Variants in ATP8B4 observed in about 807,000 individuals in gnomAD.
ATP8B4 encodes probable phospholipid-transporting ATPase IM.
ATP8B4 carries 133 observed loss-of-function variants against 145.6 expected under a neutral mutation model. That is an observed-to-expected ratio of 0.91 (90% confidence interval 0.79 to 1.05). ATP8B4 has a LOEUF of 1.05. ATP8B4 is among the 50% of genes least tolerant of loss of function. The pLI is 0.00. For missense variants in ATP8B4, 1,458 were observed against 1,425.2 expected (o/e 1.02, Z -0.37); for synonymous variants, 507 against 492.9 (o/e 1.03, Z -0.38).
rs548026630 is a variant in ATP8B4, at chr15:49,975,226, C to T, written c.1035-2436G>A. Among the ~76,000 whole-genome samples, 13 of 152,106 alleles carry T rather than the reference C, an allele frequency of 8.5e-5. No individual in the cohort carries two copies. In the South Asian group the frequency reaches 2.5e-3, roughly 29 times the overall value. On this transcript the variant is annotated intron_variant, in intron 12 of 27. Transcript: ENST00000284509. The stretch of plus-strand genomic sequence containing the variant: ...GAAGGTCAAATCTTTTTAGGAATTC[C>T]ATTTTTTAAAGTACCTCAATTAGTA...
At chr15:50,131,205 C>T (rs929206680) in intron 1 of ATP8B4, among the ~76,000 whole-genome samples, 1 of 152,092 alleles carries the variant, frequency 6.6e-6, no homozygotes, top group Non-Finnish European at 1.5e-5. Flanking sequence ...ATGAAGATTA[C>T]AATTAAAAAT....
Position 50,086,343 on chromosome 15 carries a change from T to A in ATP8B4, c.29-12158A>T, listed in dbSNP as rs1327786191. Among the ~76,000 whole-genome samples the A allele has an allele frequency of 3.2e-4, 18 of 55,862 alleles. 1 individual carries two copies. In the East Asian group the frequency reaches 0.012, roughly 36 times the overall value. The allele number at this position is 55,862 out of a possible 152,430, so 36.6% of individuals were successfully genotyped here. ...GAGATCTATATTTATTATATATAAT[T>A]AATATAGAGATCTATATTTATTATA... On this transcript the variant is annotated intron_variant, in intron 2 of 27. Coordinates refer to ENST00000284509, the MANE Select transcript of ATP8B4 (RefSeq NM_024837.4).
chr15:49,894,013 T>C (rs1426201532), intron 23 of ATP8B4, among the ~76,000 whole-genome samples: 1 of 152,224 alleles, frequency 6.6e-6, no homozygotes, highest in Non-Finnish European at 1.5e-5. Flanking sequence ...ACAGCATTGA[T>C]GCCACTACAT....
In ATP8B4 at chr15:50,081,114, A is replaced by AC. The variant is rs2054528096; in HGVS notation, c.29-6930_29-6929insG. ...GGGGACAGAGCGAGACTACGTCTCA[A>AC]GAAAAAAAAAAAAAAAGAGTCCTCA... On this transcript the variant is annotated intron_variant, in intron 2 of 27. Coordinates refer to ENST00000284509, the MANE Select transcript of ATP8B4 (RefSeq NM_024837.4). 1.3e-4 allele frequency among the ~76,000 whole-genome samples: 13 copies of AC among 102,324 alleles called. No homozygotes were observed. In the South Asian group the frequency reaches 4.4e-3, roughly 35 times the overall value. The allele number at this position is 102,324 out of a possible 152,430, so 67.1% of individuals were successfully genotyped here.
chr15:49,999,314 C>T (rs57881230), intron 8 of ATP8B4, among the ~76,000 whole-genome samples: 4,522 of 142,732 alleles, frequency 0.032, 239 homozygotes, highest in African/African-American at 0.11. Context: ...TATTCTCACT[C>T]ATAGGTGGGA....
intron 9 of ATP8B4, among the ~76,000 whole-genome samples, chr15:49,990,873 T>G (rs1156846816): frequency 2.6e-5 from 4 of 152,136 alleles, no homozygotes; most frequent in African/African-American, 9.7e-5. Flanking sequence ...AGCCAAGAGT[T>G]TTTTTAGCGT....
chr15:50,168,637 T>A (rs1392112656), intron 1 of ATP8B4, among the ~76,000 whole-genome samples: 1 of 152,208 alleles, frequency 6.6e-6, no homozygotes, highest in Admixed American at 6.5e-5. Flanking sequence ...AGGAATTCTC[T>A]AGTTAAACTT....
chr15:49,865,184 G>C (rs973649269), intron 26 of ATP8B4, among the ~76,000 whole-genome samples: 10 of 152,170 alleles, frequency 6.6e-5, no homozygotes, highest in African/African-American at 2.4e-4. Context: ...GACTTTATCA[G>C]TCATGCCTAT....
intron 14 of ATP8B4, among the ~76,000 whole-genome samples, chr15:49,938,027 G>A (rs182409582): frequency 6.6e-6 from 1 of 152,246 alleles, no homozygotes; most frequent in African/African-American, 2.4e-5. Flanking sequence ...TGGACCCGGG[G>A]GAAGGAAGAG....
At chr15:50,000,037 T>C (rs915049645) in intron 8 of ATP8B4, among the ~76,000 whole-genome samples, 1 of 152,164 alleles carries the variant, frequency 6.6e-6, no homozygotes, top group Admixed American at 6.6e-5. Context: ...AGTTCACTCA[T>C]TTTCATTGCT....
rs1446976526 is a variant in ATP8B4, at chr15:49,920,404, C to T, written c.1765G>A (p.Ala589Thr). The change falls in exon 18 of 28, where the codon GCA becomes ACA. Residue 589 changes from alanine (A) to threonine (T), a missense_variant. Ala to Thr is a moderately conservative substitution (Grantham distance 58). Coordinates refer to ENST00000284509, the MANE Select transcript of ATP8B4 (RefSeq NM_024837.4). ...GCCAAGGTCCGAAGGCCTTCCCCTG[C>T]AAATTCCTGCCAGAGATGACATAGA... ...SLTSDHLSEF[A>T]GEGLRTLAIA... The T allele has an allele frequency of 2.5e-6, 4 of 1,611,958 alleles. No homozygotes were observed. Among genetic ancestry groups the T allele is most frequent in the East Asian group, 2.2e-5 (1 of 44,880 alleles).
intron 16 of ATP8B4, among the ~76,000 whole-genome samples, chr15:49,927,928 C>G (rs2040875235): frequency 6.6e-6 from 1 of 152,138 alleles, no homozygotes; most frequent in Non-Finnish European, 1.5e-5. Context: ...TGAGAGCCAT[C>G]TTTCAAGGCT....
At chr15:49,975,209 A>C (rs1200151929) in intron 12 of ATP8B4, among the ~76,000 whole-genome samples, 1 of 152,154 alleles carries the variant, frequency 6.6e-6, no homozygotes, top group East Asian at 1.9e-4. Context: ...AAGAAGGTCA[A>C]ATCTTTTTAG....
chr15:49,986,436 C>T (rs1051004424), intron 10 of ATP8B4, among the ~76,000 whole-genome samples: 1 of 152,148 alleles, frequency 6.6e-6, no homozygotes, highest in Non-Finnish European at 1.5e-5. Flanking sequence ...TGTAAAAGCG[C>T]ATATACTGGC....
At chr15:50,010,458 G>A (rs927110381) in intron 7 of ATP8B4, among the ~76,000 whole-genome samples, 3 of 151,434 alleles carry the variant, frequency 2.0e-5, no homozygotes, top group Non-Finnish European at 4.4e-5. Flanking sequence ...CAAATATACT[G>A]TAAATTAACA....
intron 2 of ATP8B4, among the ~76,000 whole-genome samples, chr15:50,105,107 T>C (rs1600410666): frequency 6.6e-6 from 1 of 151,654 alleles, no homozygotes; most frequent in East Asian, 1.9e-4. Context: ...GGGGAAAGGG[T>C]GGCAGGGAGA....
intron 25 of ATP8B4, among the ~76,000 whole-genome samples, chr15:49,874,449 G>A (rs2034095749): frequency 6.6e-6 from 1 of 152,212 alleles, no homozygotes. Context: ...GGGCGTGTGA[G>A]TAATGGGATT....
At chr15:50,059,529 A>T (rs753325064) in intron 3 of ATP8B4, among the ~76,000 whole-genome samples, 27 of 152,188 alleles carry the variant, frequency 1.8e-4, no homozygotes, top group Non-Finnish European at 3.7e-4. Context: ...TGAATGAATG[A>T]ATGAATGAAC....
chr15:49,876,163 G>A, intron 25 of ATP8B4, 115 bp downstream of exon 25: 3 of 1,364,758 alleles, frequency 2.2e-6, no homozygotes, highest in Non-Finnish European at 2.0e-6. Context: ...TAAAAGGACA[G>A]CCCCAGTATT....
Sources: allele counts gnomAD v4.1 joint callset (sites outside exome capture counted in the v4.1 genomes callset), GRCh38; gene constraint gnomAD v4.1.1; transcripts MANE v1.5; gene names NCBI Gene and HGNC (gene_info 2026-07-23, HGNC 2026-07-21).